The following AHCTF1 variants were observed in gnomAD, a reference collection of about 807,000 sequenced individuals.
AHCTF1 encodes the protein protein ELYS.
A neutral mutation model predicts 248.4 loss-of-function variants in AHCTF1; 24 were observed. That is an observed-to-expected ratio of 0.10 (90% CI 0.07 to 0.14). The LOEUF is 0.14. Among genes scored for constraint, AHCTF1 ranks in the 10% least tolerant of loss-of-function variants. AHCTF1 has a pLI of 1.00. For synonymous variants in AHCTF1, 786 were observed against 929.8 expected, an observed-to-expected ratio of 0.85 and a Z score of 2.81; for missense variants, 2,206 against 2,636.2, an observed-to-expected ratio of 0.84 and a Z score of 3.57.
In AHCTF1 at chr1:246,882,481, A is replaced by G. The variant is rs115119240; in HGVS notation, c.2660+3012T>C. ...AAACAACCGTAATGAAAATTTAAAG[A>G]TACTTAGAACAGAATCATAATGAAA... On this transcript the variant is annotated intron_variant, in intron 21 of 35. Transcript: ENST00000648844. Among the ~76,000 whole-genome samples the G allele has an allele frequency of 9.4e-3, 1,425 of 152,334 alleles. 25 individuals are homozygous for G. Among genetic ancestry groups the G allele is most frequent in the African/African-American group, 0.032 (1,349 of 41,558 alleles).
At chr1:246,848,833 G>A (rs1330631890) in intron 33 of AHCTF1, among the ~76,000 whole-genome samples, 1 of 143,522 alleles carries the variant, frequency 7.0e-6, no homozygotes, top group African/African-American at 2.7e-5. Context: ...CTGGGCGACA[G>A]AGTGAGACTC....
chr1:246,908,016 A>C (rs1251994706), intron 4 of AHCTF1, among the ~76,000 whole-genome samples: 1 of 152,216 alleles, frequency 6.6e-6, no homozygotes, highest in African/African-American at 2.4e-5. Context: ...ATATTATCTA[A>C]GATAGAATTT....
At position 246,849,803 on chromosome 1, in the gene AHCTF1, C is replaced by T. The variant is rs753793042; in HGVS notation, c.6203G>A (p.Arg2068His). Reference protein sequence around the residue: ...KRSLHSVSEERTDEMTHKETN... With the variant: ...KRSLHSVSEEHTDEMTHKETN... ...TTCTTTATGTGTCATTTCATCTGTG[C>T]GTTCTTCTGATACTGAGTGCAATGA... Residue 2068 changes from arginine to histidine, a missense_variant, in exon 33 of 36, where the codon CGC becomes CAC. This residue lies in a region of AHCTF1 where 469 missense variants were observed against 470.0 expected (regional missense o/e 1.00). Transcript: ENST00000648844. 3.0e-5 allele frequency: 48 copies of T among 1,613,826 alleles called. No homozygotes were observed. The highest frequency in any genetic ancestry group is 1.1e-4 in the South Asian group (10 of 91,080).
At position 246,850,914 on chromosome 1, in the gene AHCTF1, G is replaced by T. The variant is rs756798263; in HGVS notation, c.5092C>A (p.Pro1698Thr). The part of the protein sequence containing the change: ...TMEQSIHETI[P>T]LVSQNIMCPT... ...CACATTATGTTTTGGCTCACTAAAGGTATTGTTTCATGAATGGACTGTTCC... is the reference window on the plus strand; with the variant it reads ...CACATTATGTTTTGGCTCACTAAAGTTATTGTTTCATGAATGGACTGTTCC... The change falls in exon 33 of 36, where the codon CCT becomes ACT. Residue 1698 changes from proline (P) to threonine (T), a missense_variant. Around this residue, in one of 6 missense-constraint regions of AHCTF1, gnomAD observed 955 missense variants for 1,055.6 expected, o/e 0.90. Transcript: ENST00000648844. The T allele has an allele frequency of 3.7e-6, 6 of 1,613,760 alleles. No individual in the cohort carries two copies. In the African/African-American group the frequency reaches 8.0e-5, roughly 22 times the overall value.
In AHCTF1 at chr1:246,864,124, C is replaced by T; in HGVS notation, c.3348-8G>A. ...ACAACCAAATCTAGCAGTCTGTAAT[C>T]AGAATGCGCATTTATTGAGTTATAC... On this transcript the variant is annotated splice_region_variant and splice_polypyrimidine_tract_variant and intron_variant, in intron 26 of 35. Transcript: ENST00000648844. 6.2e-7 allele frequency: 1 copy of T among 1,611,482 alleles called. No individual in the cohort carries two copies. Among genetic ancestry groups the T allele is most frequent in the Non-Finnish European group, 8.5e-7 (1 of 1,178,964 alleles).
Position 246,885,619 on chromosome 1 carries a change from T to C in AHCTF1, c.2534A>G (p.Lys845Arg). Reference sequence around the variant, plus strand: ...CTGACTCATGAATGCCTGAATAATCTTTGAATGTTGCCATGACAAAGGTTT... The same window carrying C: ...CTGACTCATGAATGCCTGAATAATCCTTGAATGTTGCCATGACAAAGGTTT... The part of the protein sequence containing the change: ...TAKPLSWQHS[K>R]IIQAFMSQGE... Residue 845 changes from lysine to arginine, a missense_variant, in exon 21 of 36, where the codon AAG becomes AGG. Coordinates refer to ENST00000648844, the MANE Select transcript of AHCTF1 (RefSeq NM_001323342.2). 6.2e-7 allele frequency: 1 copy of C among 1,612,876 alleles called. No homozygotes were observed. Among genetic ancestry groups the C allele is most frequent in the Non-Finnish European group, 8.5e-7 (1 of 1,179,232 alleles).
chr1:246,843,620 G>A (rs1660029416), intron 34 of AHCTF1, among the ~76,000 whole-genome samples, 175 bp downstream of exon 34: 2 of 151,890 alleles, frequency 1.3e-5, no homozygotes, highest in African/African-American at 4.8e-5. Flanking sequence ...CCAAAGGGGT[G>A]GATACGACCA....
intron 12 of AHCTF1, among the ~76,000 whole-genome samples, chr1:246,897,796 C>T (rs1156234327): frequency 6.6e-6 from 1 of 151,838 alleles, no homozygotes; most frequent in Admixed American, 6.6e-5. Flanking sequence ...GCCTAGGCAA[C>T]ATAGCGAGAC....
intron 24 of AHCTF1, among the ~76,000 whole-genome samples, chr1:246,870,755 A>C (rs1484303285): frequency 6.6e-6 from 1 of 151,368 alleles, no homozygotes. Context: ...TAGGCTATTT[A>C]ATTTCTCAGG....
chr1:246,868,990 G>T (rs375715157), intron 24 of AHCTF1, among the ~76,000 whole-genome samples: 111 of 149,448 alleles, frequency 7.4e-4, no homozygotes, highest in African/African-American at 1.4e-3. Flanking sequence ...GACTACAGGC[G>T]CCCGCCACCA....
rs1666185026 is a variant in AHCTF1, at chr1:246,916,830, T to TA, written c.122-436dup. Among the ~76,000 whole-genome samples the TA allele has an allele frequency of 2.6e-5, 4 of 152,344 alleles. No homozygotes were observed. In the South Asian group the frequency reaches 8.3e-4, roughly 32 times the overall value. ...GGCAGAAGTAGATCCCAAGCCTGTT[T>TA]AACTCCAAAACTCATGCTTTAACTA... On this transcript the variant is annotated intron_variant, in intron 2 of 35. Transcript: ENST00000648844.
In AHCTF1 at chr1:246,846,746, A is replaced by T. The variant is rs189212609; in HGVS notation, c.6392-2818T>A. On this transcript the variant is annotated intron_variant, in intron 33 of 35. Coordinates refer to ENST00000648844, the MANE Select transcript of AHCTF1 (RefSeq NM_001323342.2). ...AATATATATACATATACATATATAT[A>T]TTTTTTGGGGGGATGGGGGTGGGGA... is the stretch of plus-strand genomic sequence containing the variant. 3.1e-3 allele frequency among the ~76,000 whole-genome samples: 460 copies of T among 150,748 alleles called. 2 individuals are homozygous for T. Among genetic ancestry groups the T allele is most frequent in the African/African-American group, 0.011 (429 of 40,800 alleles).
chr1:246,896,016 G>C, intron 12 of AHCTF1, 91 bp from the exon 13 acceptor site: 1 of 1,040,164 alleles, frequency 9.6e-7, no homozygotes, highest in Non-Finnish European at 1.4e-6. Flanking sequence ...AAAATTTTAA[G>C]GCTAAAAAAA....
At position 246,884,715 on chromosome 1, in the gene AHCTF1, T is replaced by A. The variant is rs570601060; in HGVS notation, c.2660+778A>T. On this transcript the variant is annotated intron_variant, in intron 21 of 35. Coordinates refer to ENST00000648844, the MANE Select transcript of AHCTF1 (RefSeq NM_001323342.2). ...GACAAATACACTGATTAGAGAACATTAAAATCTGCAAAAGGCAGAAACAAA... is the reference window on the plus strand; with the variant it reads ...GACAAATACACTGATTAGAGAACATAAAAATCTGCAAAAGGCAGAAACAAA... Among the ~76,000 whole-genome samples the A allele has an allele frequency of 1.8e-4, 28 of 152,304 alleles. No homozygotes were observed. The South Asian group carries it at 5.4e-3, about 29-fold the overall frequency.
intron 24 of AHCTF1, among the ~76,000 whole-genome samples, chr1:246,873,569 C>A (rs557159367): frequency 6.6e-6 from 1 of 152,254 alleles, no homozygotes; most frequent in Non-Finnish European, 1.5e-5. Context: ...ATACTAGAGA[C>A]AATACACTAG....
chr1:246,868,994 G>GCCA (rs1662302226), intron 24 of AHCTF1, among the ~76,000 whole-genome samples: 1 of 150,574 alleles, frequency 6.6e-6, no homozygotes, highest in Admixed American at 6.6e-5. Context: ...ACAGGCGCCC[G>GCCA]CCACCATGCC....
At chr1:246,881,220 G>A (rs1174785948) in intron 21 of AHCTF1, among the ~76,000 whole-genome samples, 1 of 151,918 alleles carries the variant, frequency 6.6e-6, no homozygotes, top group Non-Finnish European at 1.5e-5. Context: ...AATAAAGAAG[G>A]TTACCATATA....
At chr1:246,872,882 C>T (rs1171919616) in intron 24 of AHCTF1, among the ~76,000 whole-genome samples, 1 of 152,182 alleles carries the variant, frequency 6.6e-6, no homozygotes, top group Non-Finnish European at 1.5e-5. Flanking sequence ...ACTTCTAGTT[C>T]CCACTGAGGT....
chr1:246,922,826 CAAA>C (rs1399093490), intron 1 of AHCTF1, among the ~76,000 whole-genome samples: 5 of 149,436 alleles, frequency 3.3e-5, no homozygotes, highest in Non-Finnish European at 7.4e-5. Context: ...ACTAAAAATA[CAAA>C]AAAAATAGCC....
Sources: gnomAD v4.1 joint callset for allele counts (sites outside exome capture counted in the v4.1 genomes callset) on GRCh38, gnomAD v4.1.1 for gene constraint, gnomAD v4.1.1 regional missense constraint, MANE v1.5 for transcripts, NCBI Gene and HGNC (gene_info 2026-07-23, HGNC 2026-07-21) for gene names.